BTRC: variants seen among roughly 807,000 people sequenced by gnomAD.
BTRC encodes beta-transducin repeat containing E3 ubiquitin protein ligase.
Under a neutral mutation model 85.5 loss-of-function variants are expected in BTRC, and 42 were observed. The observed-to-expected ratio is 0.49, with a 90% CI of 0.38 to 0.64. BTRC has a LOEUF of 0.64. BTRC is among the 30% of genes least tolerant of loss of function. The pLI, the probability that BTRC is intolerant of heterozygous loss-of-function variation, is 0.00. For synonymous variants in BTRC, 255 were observed against 263.3 expected, an observed-to-expected ratio of 0.97 and a Z score of 0.30; for missense variants, 594 against 743.5, an observed-to-expected ratio of 0.80 and a Z score of 2.34.
intron 2 of BTRC, among the ~76,000 whole-genome samples, chr10:101,434,334 A>G (rs1163509137): frequency 2.0e-5 from 3 of 152,220 alleles, no homozygotes; most frequent in Admixed American, 1.3e-4. Flanking sequence ...ATTAAAATCC[A>G]TTGGTCTCAG....
chr10:101,435,852 A>G (rs943848122), intron 2 of BTRC, among the ~76,000 whole-genome samples: 1 of 152,134 alleles, frequency 6.6e-6, no homozygotes, highest in Non-Finnish European at 1.5e-5. Context: ...GTCTCATTTA[A>G]TGTAATGGCT....
At position 101,535,370 on chromosome 10, in the gene BTRC, C is replaced by T. The variant is rs1242169868; in HGVS notation, c.1364C>T (p.Thr455Ile). Residue 455 changes from threonine (T) to isoleucine (I), a missense_variant, in exon 11 of 15, where the codon ACT becomes ATT. Thr to Ile is a moderately conservative substitution (Grantham distance 89). Around this residue, in one of 4 missense-constraint regions of BTRC, gnomAD observed 373 missense variants for 503.6 expected, o/e 0.74. Transcript: ENST00000370187. Reference protein sequence around the residue: ...DRTIKVWNTSTCEFVRTLNGH... With the variant: ...DRTIKVWNTSICEFVRTLNGH... ...CTTTTTCAGGTATGGAACACAAGTA[C>T]TTGTGAATTTGTAAGGACCTTAAAT... The T allele has an allele frequency of 1.9e-6, 3 of 1,613,702 alleles. No homozygotes were observed. The highest frequency in any genetic ancestry group is 4.5e-5 in the East Asian group (2 of 44,882).
chr10:101,523,522 C>T (rs1357929993), intron 5 of BTRC, among the ~76,000 whole-genome samples: 1 of 151,968 alleles, frequency 6.6e-6, no homozygotes, highest in African/African-American at 2.4e-5. Flanking sequence ...AATATCATTA[C>T]CTTGTTAGGG....
At chr10:101,457,128 A>G (rs768435114) in intron 2 of BTRC, among the ~76,000 whole-genome samples, 1 of 152,242 alleles carries the variant, frequency 6.6e-6, no homozygotes, top group South Asian at 2.1e-4. Context: ...TTATAACTAT[A>G]CTGTAATAAA....
chr10:101,357,838 T>C (rs1238593557), intron 1 of BTRC, among the ~76,000 whole-genome samples: 1 of 152,236 alleles, frequency 6.6e-6, no homozygotes, highest in African/African-American at 2.4e-5. Context: ...TTAAGCAGAA[T>C]GTTTAACTTT....
chr10:101,380,525 G>A (rs181734687), intron 1 of BTRC, among the ~76,000 whole-genome samples: 1 of 152,206 alleles, frequency 6.6e-6, no homozygotes, highest in African/African-American at 2.4e-5. Context: ...ACGGTGGGGC[G>A]GCTGGGCAGA....
chr10:101,364,676 A>G (rs1471305934), intron 1 of BTRC, among the ~76,000 whole-genome samples: 1 of 152,242 alleles, frequency 6.6e-6, no homozygotes, highest in Non-Finnish European at 1.5e-5. Context: ...CCTTGTATGC[A>G]GGAAGTACTA....
intron 1 of BTRC, among the ~76,000 whole-genome samples, chr10:101,370,468 C>T (rs867149087): frequency 6.6e-6 from 1 of 152,134 alleles, no homozygotes. Flanking sequence ...CTCTGCTGAT[C>T]CTGCAGATGT....
At chr10:101,418,756 C>T (rs1589443485) in intron 1 of BTRC, among the ~76,000 whole-genome samples, 3 of 151,894 alleles carry the variant, frequency 2.0e-5, no homozygotes, top group African/African-American at 2.4e-5. Context: ...AGGTTTGGTA[C>T]GTAGGTAAAC....
chr10:101,461,275 T>C (rs980583671), intron 2 of BTRC, among the ~76,000 whole-genome samples: 2 of 152,194 alleles, frequency 1.3e-5, no homozygotes, highest in African/African-American at 4.8e-5. Context: ...TCAAATAATA[T>C]GTAATTTGGA....
chr10:101,469,231 T>C (rs1324436930), intron 3 of BTRC, among the ~76,000 whole-genome samples: 3 of 152,186 alleles, frequency 2.0e-5, no homozygotes, highest in African/African-American at 4.8e-5. Context: ...CAGGAAAATA[T>C]TGAATGGAAA....
At chr10:101,433,073 A>G (rs1944442315) in intron 2 of BTRC, among the ~76,000 whole-genome samples, 1 of 152,148 alleles carries the variant, frequency 6.6e-6, no homozygotes, top group Non-Finnish European at 1.5e-5. Flanking sequence ...CTCACCAGAC[A>G]AGAAGTTCCA....
At position 101,357,001 on chromosome 10, in the gene BTRC, C is replaced by T. The variant is rs536754029; in HGVS notation, c.48+2773C>T. On this transcript the variant is annotated intron_variant, in intron 1 of 14. Coordinates refer to ENST00000370187, the MANE Select transcript of BTRC (RefSeq NM_033637.4). Reference sequence around the variant, plus strand: ...AAAATTAGGCGGGTGTGGCAGCGTGCGCCTGTAGTCCCAGCTACTCGGGAG... The same window carrying T: ...AAAATTAGGCGGGTGTGGCAGCGTGTGCCTGTAGTCCCAGCTACTCGGGAG... 5.9e-4 allele frequency among the ~76,000 whole-genome samples: 90 copies of T among 151,642 alleles called. 1 individual carries two copies. The South Asian group carries it at 0.014, about 23-fold the overall frequency.
In BTRC at chr10:101,521,620, T is replaced by C; in HGVS notation, c.325-19T>C. On this transcript the variant is annotated intron_variant, in intron 4 of 14. Coordinates refer to ENST00000370187, the MANE Select transcript of BTRC (RefSeq NM_033637.4). ...TTCAATACTAATCATTTTATGTTTC[T>C]TTTAACCCCCTTCTACAGACAAAAC... The C allele has an allele frequency of 1.3e-6, 2 of 1,567,716 alleles. No individual in the cohort carries two copies. The highest frequency in any genetic ancestry group is 1.8e-6 in the Non-Finnish European group (2 of 1,142,602).
At chr10:101,478,845 A>G (rs1035680857) in intron 3 of BTRC, among the ~76,000 whole-genome samples, 19 of 150,942 alleles carry the variant, frequency 1.3e-4, no homozygotes, top group Non-Finnish European at 2.4e-4. Flanking sequence ...AGGCTGAGGC[A>G]GGAGAATCGC....
intron 4 of BTRC, among the ~76,000 whole-genome samples, chr10:101,518,373 T>C (rs559378576): frequency 6.6e-6 from 1 of 152,302 alleles, no homozygotes; most frequent in South Asian, 2.1e-4. Context: ...TCCATACCTG[T>C]CTCTTTCTCA....
chr10:101,401,577 C>T (rs941966867), intron 1 of BTRC, among the ~76,000 whole-genome samples: 2 of 151,966 alleles, frequency 1.3e-5, no homozygotes, highest in Non-Finnish European at 2.9e-5. Flanking sequence ...CTTACTCTTT[C>T]AGATTCAACA....
At chr10:101,394,230 T>C (rs1564745559) in intron 1 of BTRC, among the ~76,000 whole-genome samples, 1 of 152,232 alleles carries the variant, frequency 6.6e-6, no homozygotes, top group Admixed American at 6.5e-5. Context: ...AATTTGGAAA[T>C]GGTTCGAGTA....
chr10:101,370,156 T>C (rs1440265642), intron 1 of BTRC, among the ~76,000 whole-genome samples: 1 of 152,218 alleles, frequency 6.6e-6, no homozygotes, highest in Non-Finnish European at 1.5e-5. Flanking sequence ...CTCACTCTTT[T>C]GCCCAGGCTG....
Sources: gnomAD v4.1 joint callset for allele counts (sites outside exome capture counted in the v4.1 genomes callset) on GRCh38, gnomAD v4.1.1 for gene constraint, gnomAD v4.1.1 regional missense constraint, MANE v1.5 for transcripts, NCBI Gene and HGNC (gene_info 2026-07-23, HGNC 2026-07-21) for gene names.